The following FER1L5 variants were observed in gnomAD, a reference collection of about 807,000 sequenced individuals.
FER1L5 encodes the protein fer-1 like family member 5, also known as fer-1-like protein 5.
FER1L5 carries 187 observed loss-of-function variants against 279.9 expected under a neutral mutation model. The observed-to-expected ratio is 0.67, with a 90% CI of 0.59 to 0.75. The LOEUF (loss-of-function observed/expected upper bound fraction) is 0.75. Among genes scored for constraint, FER1L5 ranks in the 30% least tolerant of loss-of-function variants. The pLI is 0.00. For synonymous variants in FER1L5, 921 were observed against 989.7 expected (o/e 0.93, Z 1.30); for missense variants, 2,091 against 2,594.4 (o/e 0.81, Z 4.21).
chr2:96,660,907 T>C (rs2075929797), intron 10 of FER1L5, among the ~76,000 whole-genome samples: 1 of 152,264 alleles, frequency 6.6e-6, no homozygotes, highest in Non-Finnish European at 1.5e-5. Context: ...GGCATCCCTT[T>C]GGGTCAAGTG....
At position 96,689,987 on chromosome 2, in the gene FER1L5, T is replaced by C. The variant is rs1212519381; in HGVS notation, c.2640+229T>C. Among the ~76,000 whole-genome samples the C allele has an allele frequency of 1.3e-5, 2 of 152,108 alleles. No homozygotes were observed. Among genetic ancestry groups the C allele is most frequent in the African/African-American group, 2.4e-5 (1 of 41,416 alleles). On this transcript the variant is annotated intron_variant, in intron 26 of 52. Transcript: ENST00000624922. The surrounding 1 kb of genome is among the most constrained non-coding windows in gnomAD (Gnocchi z 4.6). ...CTGAGAAACAACAAAAGGGAGGCAA[T>C]GTTTCTTCCTAGGCCTCCTTCAAAG...
At position 96,698,445 on chromosome 2, in the gene FER1L5, G is replaced by A. The variant is rs1044096813; in HGVS notation, c.4357-226G>A. 2.6e-5 allele frequency among the ~76,000 whole-genome samples: 4 copies of A among 152,112 alleles called. No individual in the cohort carries two copies. Among genetic ancestry groups the A allele is most frequent in the Admixed American group, 2.0e-4 (3 of 15,280 alleles). On this transcript the variant is annotated intron_variant, in intron 40 of 52. Coordinates refer to ENST00000624922, the MANE Select transcript of FER1L5 (RefSeq NM_001293083.2). This position sits in a 1 kb window ranked among gnomAD's most constrained non-coding sequence, Gnocchi z 5.5. ...AATGAGTCCACAGCGGCACAGACGG[G>A]GAACTCACCTACTGACTGCGGTTCC...
intron 51 of FER1L5, 64 bp downstream of exon 51, chr2:96,703,696 C>T: frequency 2.1e-6 from 3 of 1,444,774 alleles, no homozygotes; most frequent in Non-Finnish European, 2.9e-6. Flanking sequence ...GGGGTGGTGA[C>T]CAGTGGGCCT....
At chr2:96,644,602 C>T (rs948157816) in intron 1 of FER1L5, among the ~76,000 whole-genome samples, 15 of 151,976 alleles carry the variant, frequency 9.9e-5, no homozygotes, top group Admixed American at 7.2e-4. Context: ...TTACAGGGAC[C>T]GTCAGCAGGG....
At chr2:96,679,053 CT>C (rs1202376192) in intron 19 of FER1L5, among the ~76,000 whole-genome samples, 1 of 151,882 alleles carries the variant, frequency 6.6e-6, no homozygotes, top group Non-Finnish European at 1.5e-5. Context: ...CCTATTTTTT[CT>C]TCTAAGTTTT....
At position 96,659,469 on chromosome 2, in the gene FER1L5, CTT is replaced by C. The variant is rs1462227605; in HGVS notation, c.748-870_748-869del. ...TCTTTCTTTCTTTCTTTCTTTCTTTCTTTCTTTCTTTCTTTCTTTCTTTCTTT... is the reference window on the plus strand; with the variant it reads ...TCTTTCTTTCTTTCTTTCTTTCTTTCTCTTTCTTTCTTTCTTTCTTTCTTT... On this transcript the variant is annotated intron_variant, in intron 9 of 52. Coordinates refer to ENST00000624922, the MANE Select transcript of FER1L5 (RefSeq NM_001293083.2). Among the ~76,000 whole-genome samples, 2 of 26,258 alleles carry C rather than the reference CTT, an allele frequency of 7.6e-5. 1 individual carries two copies. The highest frequency in any genetic ancestry group is 6.9e-4 in the African/African-American group (2 of 2,914). 17.2% of individuals were successfully genotyped at this position (26,258 alleles called of 152,430 possible). A position where few individuals can be genotyped will look rare whatever the true frequency, so the allele number is the denominator to read the frequency against.
chr2:96,665,420 A>G lies in FER1L5; in HGVS notation c.1140+1913A>G, dbSNP rs2076093613. Among the ~76,000 whole-genome samples, 3 of 151,976 alleles carry G rather than the reference A, an allele frequency of 2.0e-5. No individual in the cohort carries two copies. In the South Asian group the frequency reaches 6.2e-4, roughly 32 times the overall value. On this transcript the variant is annotated intron_variant, in intron 14 of 52. Transcript: ENST00000624922. ...AATCCCTGCCTCCTTGGATGATTTT[A>G]TAGACTCTGAAAGTAGGAAGACATT... is the stretch of plus-strand genomic sequence containing the variant.
intron 12 of FER1L5, 21 bp downstream of exon 12, chr2:96,661,812 G>A: frequency 1.3e-6 from 2 of 1,550,950 alleles, no homozygotes; most frequent in Non-Finnish European, 1.7e-6. Flanking sequence ...GGGTGCAGGG[G>A]AGGGAGCAGC....
intron 13 of FER1L5, 120 bp from the exon 14 acceptor site, chr2:96,663,319 A>T (rs1012613994): frequency 1.3e-5 from 12 of 889,216 alleles, no homozygotes; most frequent in South Asian, 1.0e-4. Context: ...AGCAGGGATT[A>T]GCCCAAGCAC....
intron 14 of FER1L5, 29 bp downstream of exon 14, chr2:96,663,536 C>G: frequency 1.3e-6 from 2 of 1,548,522 alleles, no homozygotes; most frequent in East Asian, 2.4e-5. Flanking sequence ...GCCCACCCTT[C>G]TCCCACATCC....
Position 96,702,242 on chromosome 2 carries a change from C to A in FER1L5, c.5160-64C>A, listed in dbSNP as rs886776000. 1 of 1,580,878 alleles carries A rather than the reference C, an allele frequency of 6.3e-7. No homozygotes were observed. Among genetic ancestry groups the A allele is most frequent in the Middle Eastern group, 1.7e-4 (1 of 6,012 alleles). ...CAGGGCAGCCTCCCAGGCTTCTCTG[C>A]CCTCACTGAGGCTGCAGCTGGGGAG... On this transcript the variant is annotated intron_variant, in intron 46 of 52. Coordinates refer to ENST00000624922, the MANE Select transcript of FER1L5 (RefSeq NM_001293083.2). This position sits in a 1 kb window ranked among gnomAD's most constrained non-coding sequence, Gnocchi z 4.0.
rs1195351491 is a variant in FER1L5 at position 96,702,174 on chromosome 2, G to T, written c.5159+131G>T. 2 of 1,559,246 alleles carry T rather than the reference G, an allele frequency of 1.3e-6. No individual in the cohort carries two copies. Among genetic ancestry groups the T allele is most frequent in the African/African-American group, 2.7e-5 (2 of 73,020 alleles). On this transcript the variant is annotated intron_variant, in intron 46 of 52. Transcript: ENST00000624922. The surrounding 1 kb of genome is among the most constrained non-coding windows in gnomAD (Gnocchi z 4.0). ...ATTGGGAAGAGAGGAAGCTCTACTG[G>T]GAGCTTTCTTCCCCTGAATTCCCCA...
In FER1L5 at chr2:96,693,649, C is replaced by T; in HGVS notation, c.3436C>T (p.Pro1146Ser). Residue 1146 changes from proline (P) to serine (S), a missense_variant, in exon 32 of 53, where the codon CCG (proline) becomes TCG (serine). Transcript: ENST00000624922. ...CCCACAGGACACCAAAGAGAGCCCA[C>T]CGCTTGTGGTGCTGGAGCTGTGGCA... ...ENPQDTKESP[P>S]LVVLELWQRD... 2 of 1,551,742 alleles carry T rather than the reference C, an allele frequency of 1.3e-6. No individual in the cohort carries two copies. Among genetic ancestry groups the T allele is most frequent in the South Asian group, 1.2e-5 (1 of 84,060 alleles).
intron 2 of FER1L5, among the ~76,000 whole-genome samples, 189 bp downstream of exon 2, chr2:96,646,642 C>T (rs2075143350): frequency 6.6e-6 from 1 of 152,146 alleles, no homozygotes; most frequent in African/African-American, 2.4e-5. Flanking sequence ...GCCACACCTG[C>T]CCACGACTGT....
chr2:96,686,145 C>T (rs549271935), intron 22 of FER1L5, 28 bp downstream of exon 22: 1 of 1,546,922 alleles, frequency 6.5e-7, no homozygotes, highest in South Asian at 1.2e-5. Context: ...TGGCCTGCAG[C>T]AGGGCTGGGA....
Position 96,663,493 on chromosome 2 carries a change from A to G in FER1L5, c.1126A>G (p.Thr376Ala), listed in dbSNP as rs999556442. 8.4e-6 allele frequency: 13 copies of G among 1,551,546 alleles called. No individual in the cohort carries two copies. In the South Asian group the frequency reaches 1.1e-4, roughly 13 times the overall value. The stretch of plus-strand genomic sequence containing the variant: ...CAACCCGATATGGAACCAGATCCTG[A>G]CCTTCCGGATTCAGGTATGGCTCCT... ...TDNPIWNQIL[T>A]FRIQLPCLSS... Residue 376 changes from threonine (T) to alanine (A), a missense_variant, in exon 14 of 53, where the codon ACC becomes GCC. Thr to Ala is a moderately conservative substitution (Grantham distance 58). Coordinates refer to ENST00000624922, the MANE Select transcript of FER1L5 (RefSeq NM_001293083.2).
chr2:96,704,610 T>C lies in FER1L5; in HGVS notation c.6092T>C (p.Ile2031Thr), dbSNP rs760513266. ...PTQDPNLKPT[I>T]DHEWKLHPGP... ...CAGGATCCAAACCTAAAGCCTACAA[T>C]AGACCATGAGTGGAAACTCCACCCA... The change falls in exon 53 of 53, where the codon ATA (isoleucine) becomes ACA (threonine). Residue 2031 changes from isoleucine to threonine, a missense_variant. Physicochemically the swap from Ile to Thr is moderately conservative, Grantham distance 89 (BLOSUM62 -1). Transcript: ENST00000624922. 3 of 1,613,826 alleles carry C rather than the reference T, an allele frequency of 1.9e-6. No individual in the cohort carries two copies. Among genetic ancestry groups the C allele is most frequent in the African/African-American group, 2.7e-5 (2 of 74,912 alleles).
intron 23 of FER1L5, among the ~76,000 whole-genome samples, chr2:96,686,624 G>A (rs1354650599): frequency 6.6e-6 from 1 of 152,012 alleles, no homozygotes; most frequent in Non-Finnish European, 1.5e-5. Context: ...GGAGGCTGAG[G>A]CGGGTGGATC....
Position 96,668,904 on chromosome 2 carries a change from G to A in FER1L5, c.1203G>A (p.Pro401=), listed in dbSNP as rs369338236. 4.8e-4 allele frequency: 748 copies of A among 1,551,638 alleles called. 4 individuals carry two copies. Among genetic ancestry groups the A allele is most frequent in the East Asian group, 7.6e-4 (31 of 40,920 alleles). The change falls in exon 16 of 53, where the codon CCG becomes CCA. Residue 401 remains proline (P), a synonymous_variant. Transcript: ENST00000624922. ...TCTCTAGCCGCAAGAAGGACTGCCC[G>A]GATGAGATTGGGACTGCCAGCCTGT... ...RVLDCRKKDC[P]DEIGTASLSL...
Sources: gnomAD v4.1 joint callset for allele counts (sites outside exome capture counted in the v4.1 genomes callset) on GRCh38, gnomAD v4.1.1 for gene constraint, Gnocchi (gnomAD v3.1) non-coding constraint, MANE v1.5 for transcripts, NCBI Gene and HGNC (gene_info 2026-07-23, HGNC 2026-07-21) for gene names.